The following GRIK3 variants were observed in gnomAD, a reference collection of about 807,000 sequenced individuals.
GRIK3 encodes glutamate receptor ionotropic, kainate 3.
Under a neutral mutation model 102.5 loss-of-function variants are expected in GRIK3, and 29 were observed. That is an observed-to-expected ratio of 0.28 (90% CI 0.21 to 0.39). The LOEUF is 0.39. Ranked by LOEUF, GRIK3 falls within the 10% of genes least tolerant of loss-of-function variation. The pLI is 1.00. For missense variants in GRIK3, 908 were observed against 1,252.4 expected (o/e 0.73, Z 4.15); for synonymous variants, 511 against 504.9 (o/e 1.01, Z -0.16).
chr1:37,007,225 G>A lies in GRIK3; in HGVS notation c.115+26769C>T, dbSNP rs1642542098. ...CTCATTTAGGTCTCCCAATGAGGTG[G>A]GTGCTGTTATTACGCCCATTTTGCA... is the stretch of plus-strand genomic sequence containing the variant. On this transcript the variant is annotated intron_variant, in intron 1 of 15. Transcript: ENST00000373091. 2.0e-5 allele frequency among the ~76,000 whole-genome samples: 3 copies of A among 152,214 alleles called. No homozygotes were observed. The South Asian group carries it at 6.2e-4, about 31-fold the overall frequency.
In GRIK3 at chr1:36,806,397, T is replaced by C; in HGVS notation, c.2092-71A>G. 1 of 898,068 alleles carries C rather than the reference T, an allele frequency of 1.1e-6. No homozygotes were observed. The highest frequency in any genetic ancestry group is 1.8e-6 in the Non-Finnish European group (1 of 570,030). The allele number at this position is 898,068 out of a possible 1,614,324, so 55.6% of individuals were successfully genotyped here. A position where few individuals can be genotyped will look rare whatever the true frequency, so the allele number is the denominator to read the frequency against. Reference sequence around the variant, plus strand: ...ACCAGGGACCAAGCACCGCATACCCTGCACAACGTGGGTTGGGGCCTTGAA... The same window carrying C: ...ACCAGGGACCAAGCACCGCATACCCCGCACAACGTGGGTTGGGGCCTTGAA... On this transcript the variant is annotated intron_variant, in intron 13 of 15. Transcript: ENST00000373091. This position sits in a 1 kb window ranked among gnomAD's most constrained non-coding sequence, Gnocchi z 4.0.
At chr1:36,930,757 C>A (rs1381560175) in intron 1 of GRIK3, among the ~76,000 whole-genome samples, 1 of 152,146 alleles carries the variant, frequency 6.6e-6, no homozygotes, top group Non-Finnish European at 1.5e-5. Flanking sequence ...CTCCTTATAG[C>A]CCCATTTGGA....
intron 13 of GRIK3, among the ~76,000 whole-genome samples, chr1:36,807,074 G>T (rs1463993925): frequency 6.6e-6 from 1 of 152,142 alleles, no homozygotes; most frequent in African/African-American, 2.4e-5. Flanking sequence ...GAAAAGTAAG[G>T]GCAGTCAGGG....
chr1:36,844,735 C>T (rs552523707), intron 9 of GRIK3, among the ~76,000 whole-genome samples: 23 of 152,286 alleles, frequency 1.5e-4, no homozygotes, highest in African/African-American at 5.3e-4. Context: ...CAACTGTTAG[C>T]TGCCAATATT....
At chr1:36,986,677 G>A (rs1481006698) in intron 1 of GRIK3, among the ~76,000 whole-genome samples, 1 of 152,208 alleles carries the variant, frequency 6.6e-6, no homozygotes, top group Non-Finnish European at 1.5e-5. Flanking sequence ...ACCAAGCCCT[G>A]AGCAGGGAGC....
At chr1:36,837,497 C>A (rs147767113) in intron 10 of GRIK3, among the ~76,000 whole-genome samples, 9 of 152,226 alleles carry the variant, frequency 5.9e-5, no homozygotes, top group African/African-American at 2.2e-4. Context: ...TCCCTCCTTT[C>A]CTAGAGCAGC....
chr1:36,966,278 AC>A (rs1642077214), intron 1 of GRIK3, among the ~76,000 whole-genome samples: 1 of 152,230 alleles, frequency 6.6e-6, no homozygotes, highest in Non-Finnish European at 1.5e-5. Flanking sequence ...CTCAAGCTGG[AC>A]ATGGGACCAG....
chr1:36,837,166 C>T (rs906149337), intron 10 of GRIK3, among the ~76,000 whole-genome samples: 1 of 152,114 alleles, frequency 6.6e-6, no homozygotes, highest in Non-Finnish European at 1.5e-5. Flanking sequence ...TCGTCTCCAC[C>T]TCCCAGGCTC....
intron 7 of GRIK3, 24 bp from the exon 8 acceptor site, chr1:36,853,746 G>A (rs370840055): frequency 1.1e-5 from 15 of 1,319,258 alleles, no homozygotes; most frequent in East Asian, 4.6e-5. Context: ...AGGGCAGAGC[G>A]GCAATTCCTC....
chr1:36,986,338 C>CCCATCCATCCAT (rs374435133), intron 1 of GRIK3, among the ~76,000 whole-genome samples: 104 of 151,808 alleles, frequency 6.9e-4, no homozygotes, highest in African/African-American at 2.1e-3. Flanking sequence ...CATCTGTCCG[C>CCCATCCATCCAT]CCATCCATCC....
rs144522103 is a variant in GRIK3, at chr1:36,806,041, G to T, written c.2314+63C>A. 5.6e-4 allele frequency: 604 copies of T among 1,072,204 alleles called. 2 individuals are homozygous for T. The African/African-American group carries it at 8.5e-3, about 15-fold the overall frequency. The allele number at this position is 1,072,204 out of a possible 1,614,324, so 66.4% of individuals were successfully genotyped here. ...GCTGTGAGACGGAGTGTGAGGGGAC[G>T]CGGGGGTGGAGCCCTCCCTCTGCCC... On this transcript the variant is annotated intron_variant, in intron 14 of 15. Coordinates refer to ENST00000373091, the MANE Select transcript of GRIK3 (RefSeq NM_000831.4). This position sits in a 1 kb window ranked among gnomAD's most constrained non-coding sequence, Gnocchi z 4.0.
At chr1:36,895,755 C>G (rs1396738822) in intron 1 of GRIK3, among the ~76,000 whole-genome samples, 1 of 152,058 alleles carries the variant, frequency 6.6e-6, no homozygotes, top group African/African-American at 2.4e-5. Flanking sequence ...CACCAAACCA[C>G]TGATCTAGGA....
intron 10 of GRIK3, among the ~76,000 whole-genome samples, chr1:36,826,850 G>A (rs115105791): frequency 0.028 from 4,234 of 151,944 alleles, 205 homozygotes; most frequent in African/African-American, 0.097. Flanking sequence ...TCAATTTTTT[G>A]GTCTGAGATT....
rs60782114 is a variant in GRIK3, at chr1:36,921,707, A to AT, written c.116-30612dup. Among the ~76,000 whole-genome samples the AT allele has an allele frequency of 5.3e-3, 801 of 151,822 alleles. 6 individuals carry two copies. The highest frequency in any genetic ancestry group is 0.018 in the African/African-American group (762 of 41,358). On this transcript the variant is annotated intron_variant, in intron 1 of 15. Transcript: ENST00000373091. ...ACTGTGTCATAGTATAATGGGTGGCATTTTTTTTCTTTCTTAGGGAAGTAC... is the reference window on the plus strand; with the variant it reads ...ACTGTGTCATAGTATAATGGGTGGCATTTTTTTTTCTTTCTTAGGGAAGTAC...
intron 1 of GRIK3, among the ~76,000 whole-genome samples, chr1:36,893,307 A>T (rs551087184): frequency 1.3e-5 from 2 of 152,336 alleles, no homozygotes; most frequent in South Asian, 4.1e-4. Context: ...GGAAGCTCTT[A>T]TTTTATAAAA....
In GRIK3 at chr1:36,850,243, C is replaced by T. The variant is rs1203622229; in HGVS notation, c.1326+68G>A. On this transcript the variant is annotated intron_variant, in intron 9 of 15. Coordinates refer to ENST00000373091, the MANE Select transcript of GRIK3 (RefSeq NM_000831.4). This position sits in a 1 kb window ranked among gnomAD's most constrained non-coding sequence, Gnocchi z 4.0. ...CTGGGTGGGGGGGATAGAGGGGACT[C>T]TCCAGCCCGAACGGCCACCCCACCC... is the stretch of plus-strand genomic sequence containing the variant. 2 of 965,990 alleles carry T rather than the reference C, an allele frequency of 2.1e-6. No homozygotes were observed. The highest frequency in any genetic ancestry group is 3.4e-6 in the Non-Finnish European group (2 of 591,506). The allele number at this position is 965,990 out of a possible 1,614,324, so 59.8% of individuals were successfully genotyped here.
chr1:37,005,390 C>A (rs574902647), intron 1 of GRIK3, among the ~76,000 whole-genome samples: 1 of 152,224 alleles, frequency 6.6e-6, no homozygotes, highest in African/African-American at 2.4e-5. Context: ...GAATGCTGGG[C>A]GCTGCTGGGA....
At chr1:36,981,776 A>G (rs546820877) in intron 1 of GRIK3, among the ~76,000 whole-genome samples, 2 of 152,268 alleles carry the variant, frequency 1.3e-5, no homozygotes, top group East Asian at 3.9e-4. Context: ...CCTGCTGTTA[A>G]TGTTTTTGAG....
intron 1 of GRIK3, among the ~76,000 whole-genome samples, chr1:37,032,533 G>T (rs1385158693): frequency 6.6e-6 from 1 of 152,126 alleles, no homozygotes; most frequent in Non-Finnish European, 1.5e-5. Flanking sequence ...TGCCAGGCTG[G>T]GCTTGGGGCA....
Sources: gnomAD v4.1 joint callset for allele counts (sites outside exome capture counted in the v4.1 genomes callset) on GRCh38, gnomAD v4.1.1 for gene constraint, Gnocchi (gnomAD v3.1) non-coding constraint, MANE v1.5 for transcripts, NCBI Gene and HGNC (gene_info 2026-07-23, HGNC 2026-07-21) for gene names.